The following MAP1B variants were observed in gnomAD, a reference collection of about 807,000 sequenced individuals.
MAP1B encodes the protein microtubule associated protein 1B.
A neutral mutation model predicts 176.1 loss-of-function variants in MAP1B; 12 were observed. That is an observed-to-expected ratio of 0.07 (90% CI 0.04 to 0.11). The LOEUF (loss-of-function observed/expected upper bound fraction) is 0.11. Ranked by LOEUF, MAP1B falls within the 10% of genes least tolerant of loss-of-function variation. The pLI, the probability that MAP1B is intolerant of heterozygous loss-of-function variation, is 1.00. For synonymous variants in MAP1B, 1,044 were observed against 1,135.0 expected (o/e 0.92, Z 1.61); for missense variants, 2,523 against 2,990.5 (o/e 0.84, Z 3.65).
At chr5:72,108,003 G>A (rs1177789607) in intron 1 of MAP1B, among the ~76,000 whole-genome samples, 1 of 151,854 alleles carries the variant, frequency 6.6e-6, no homozygotes, top group African/African-American at 2.4e-5. Context: ...TGAAATGCAG[G>A]TGTCAGGGGA....
chr5:72,125,204 TAGG>T (rs139815234), intron 2 of MAP1B, among the ~76,000 whole-genome samples: 7,939 of 152,238 alleles, frequency 0.052, 267 homozygotes, highest in South Asian at 0.13. Context: ...GCTCAAATAC[TAGG>T]AGTTTTTGGT....
chr5:72,124,450 C>T lies in MAP1B; in HGVS notation c.286+8651C>T, dbSNP rs140772962. On this transcript the variant is annotated intron_variant, in intron 2 of 6. Coordinates refer to ENST00000296755, the MANE Select transcript of MAP1B (RefSeq NM_005909.5). ...ATAGAAAATGCAACAAGAGCGTCTA[C>T]ATGTGATTTAAAAATAAAAGTAAGT... Among the ~76,000 whole-genome samples the T allele has an allele frequency of 3.0e-3, 463 of 152,266 alleles. 2 individuals carry two copies. Among genetic ancestry groups the T allele is most frequent in the East Asian group, 0.027 (140 of 5,190 alleles).
intron 2 of MAP1B, chr5:72,179,683 A>T: frequency 1.0e-6 from 1 of 985,466 alleles, no homozygotes; most frequent in Non-Finnish European, 1.2e-6. Flanking sequence ...AATCTGGCCA[A>T]CAGTCTGGCC....
At chr5:72,115,914 A>G in intron 2 of MAP1B, 115 bp downstream of exon 2, 1 of 701,194 alleles carries the variant, frequency 1.4e-6, no homozygotes, top group Non-Finnish European at 2.5e-6. Flanking sequence ...GATACTTTGT[A>G]TTTGTTATTA....
At chr5:72,112,723 A>G (rs1290628560) in intron 1 of MAP1B, among the ~76,000 whole-genome samples, 1 of 152,192 alleles carries the variant, frequency 6.6e-6, no homozygotes, top group African/African-American at 2.4e-5. Flanking sequence ...GGCTCCAGAC[A>G]TTGAAAGAAT....
At chr5:72,145,236 T>A (rs965631753) in intron 2 of MAP1B, among the ~76,000 whole-genome samples, 2 of 152,184 alleles carry the variant, frequency 1.3e-5, no homozygotes, top group Admixed American at 1.3e-4. Flanking sequence ...AGAAAGATAC[T>A]ATTGGGAATT....
Position 72,194,529 on chromosome 5 carries a change from T to C in MAP1B, c.1174T>C (p.Ser392Pro). The C allele has an allele frequency of 6.2e-7, 1 of 1,614,100 alleles. No homozygotes were observed. Among genetic ancestry groups the C allele is most frequent in the South Asian group, 1.1e-5 (1 of 91,082 alleles). ...CFTLQYLNKL[S>P]MKPEPLFRSV... Reference sequence around the variant, plus strand: ...CACTCTCCAGTACCTAAACAAATTGTCCATGAAACCAGAACCTCTGTTTAG... The same window carrying C: ...CACTCTCCAGTACCTAAACAAATTGCCCATGAAACCAGAACCTCTGTTTAG... Residue 392 changes from serine to proline, a missense_variant, in exon 5 of 7, where the codon TCC becomes CCC. Around this residue, in one of 4 missense-constraint regions of MAP1B, gnomAD observed 1,925 missense variants for 2,126.0 expected, o/e 0.91. Transcript: ENST00000296755. The surrounding 1 kb of genome is among the most constrained non-coding windows in gnomAD (Gnocchi z 7.2).
chr5:72,192,794 T>C (rs1485071776), intron 4 of MAP1B, among the ~76,000 whole-genome samples: 1 of 152,252 alleles, frequency 6.6e-6, no homozygotes, highest in Non-Finnish European at 1.5e-5. Flanking sequence ...GTTGATGGCA[T>C]GATTCTCCAT....
intron 1 of MAP1B, among the ~76,000 whole-genome samples, chr5:72,110,435 G>T (rs896858957): frequency 6.6e-6 from 1 of 152,200 alleles, no homozygotes; most frequent in South Asian, 2.1e-4. Flanking sequence ...CAAGATGCAG[G>T]CCCTTCCAGC....
At chr5:72,192,682 T>C (rs1747049238) in intron 4 of MAP1B, among the ~76,000 whole-genome samples, 1 of 152,222 alleles carries the variant, frequency 6.6e-6, no homozygotes, top group Admixed American at 6.5e-5. Flanking sequence ...AATGAAACCT[T>C]GGCTTTACCC....
intron 4 of MAP1B, among the ~76,000 whole-genome samples, chr5:72,192,965 C>CAA (rs1747055739): frequency 1.3e-5 from 2 of 152,172 alleles, no homozygotes; most frequent in Non-Finnish European, 2.9e-5. Context: ...AAAAATGTTT[C>CAA]AGCCACATTT....
intron 2 of MAP1B, among the ~76,000 whole-genome samples, chr5:72,119,053 A>G (rs1272693282): frequency 6.6e-6 from 1 of 152,208 alleles, no homozygotes; most frequent in African/African-American, 2.4e-5. Flanking sequence ...TGTAGGTCTC[A>G]TTCAAGACCA....
At chr5:72,175,020 TTCCC>T (rs1190548695) in intron 2 of MAP1B, among the ~76,000 whole-genome samples, 11 of 103,416 alleles carry the variant, frequency 1.1e-4, no homozygotes, top group South Asian at 4.1e-4. Flanking sequence ...CCTCCCTTCC[TTCCC>T]TCCCTCCCTC....
intron 2 of MAP1B, among the ~76,000 whole-genome samples, chr5:72,124,633 TG>T (rs1745590314): frequency 6.6e-6 from 1 of 152,238 alleles, no homozygotes; most frequent in African/African-American, 2.4e-5. Flanking sequence ...ATGAACATCC[TG>T]AGGACTGTCT....
chr5:72,152,162 A>G (rs1746152698), intron 2 of MAP1B, among the ~76,000 whole-genome samples: 1 of 152,230 alleles, frequency 6.6e-6, no homozygotes, highest in African/African-American at 2.4e-5. Context: ...GGTGCACACC[A>G]GAACAGCATT....
chr5:72,193,304 C>A, intron 4 of MAP1B: 1 of 422,662 alleles, frequency 2.4e-6, no homozygotes, highest in Non-Finnish European at 4.6e-6. Flanking sequence ...ACAACAAGTG[C>A]CCTGTTAATC....
In MAP1B at chr5:72,186,486, A is replaced by T; in HGVS notation, c.370-128A>T. On this transcript the variant is annotated intron_variant, in intron 3 of 6. Coordinates refer to ENST00000296755, the MANE Select transcript of MAP1B (RefSeq NM_005909.5). The surrounding 1 kb of genome is among the most constrained non-coding windows in gnomAD (Gnocchi z 4.3). ...GCTCTTCTGGCCTCCAGGAGAAATT[A>T]GACCTTTGGGGAATGAATGCTTTTT... 8.6e-7 allele frequency: 1 copy of T among 1,161,950 alleles called. No individual in the cohort carries two copies. Among genetic ancestry groups the T allele is most frequent in the Non-Finnish European group, 1.2e-6 (1 of 818,378 alleles). The allele number at this position is 1,161,950 out of a possible 1,614,324, so 72.0% of individuals were successfully genotyped here.
chr5:72,168,325 C>G (rs929914181), intron 2 of MAP1B, among the ~76,000 whole-genome samples: 2 of 152,168 alleles, frequency 1.3e-5, no homozygotes, highest in Non-Finnish European at 2.9e-5. Context: ...TCTGGCAGAG[C>G]TTGATTTGGT....
At chr5:72,192,443 C>A (rs115505150) in intron 4 of MAP1B, among the ~76,000 whole-genome samples, 1 of 152,144 alleles carries the variant, frequency 6.6e-6, no homozygotes, top group Admixed American at 6.5e-5. Context: ...TGTTATTTTG[C>A]GGCCCTTTAC....
Sources: allele counts gnomAD v4.1 joint callset (sites outside exome capture counted in the v4.1 genomes callset), GRCh38; gene constraint gnomAD v4.1.1; regional missense constraint gnomAD v4.1.1; non-coding constraint Gnocchi (gnomAD v3.1); transcripts MANE v1.5; gene names NCBI Gene and HGNC (gene_info 2026-07-23, HGNC 2026-07-21).